Variants in NSG2 observed in about 807,000 individuals in gnomAD.
The protein encoded by NSG2 is neuronal vesicle trafficking-associated protein 2.
Under a neutral mutation model 16.9 loss-of-function variants are expected in NSG2, and 4 were observed. That is an observed-to-expected ratio of 0.24 (90% CI 0.12 to 0.54). The LOEUF (loss-of-function observed/expected upper bound fraction) is 0.54. Among genes scored for constraint, NSG2 ranks in the 20% least tolerant of loss-of-function variants. NSG2 has a pLI of 0.95. For synonymous variants in NSG2, 98 were observed against 88.7 expected (o/e 1.11, Z -0.59); for missense variants, 179 against 221.1 (o/e 0.81, Z 1.21).
Position 174,077,516 on chromosome 5 carries a change from T to C in NSG2, c.213+13201T>C, listed in dbSNP as rs138920927. The stretch of plus-strand genomic sequence containing the variant: ...TCTCGACACACTGGACCCGATTTCA[T>C]CTCTACTCCTCCGCTTAGCTGTTCT... On this transcript the variant is annotated intron_variant, in intron 3 of 4. Coordinates refer to ENST00000303177, the MANE Select transcript of NSG2 (RefSeq NM_015980.5). 1.7e-3 allele frequency among the ~76,000 whole-genome samples: 262 copies of C among 152,266 alleles called. 1 individual carries two copies. The highest frequency in any genetic ancestry group is 6.0e-3 in the African/African-American group (248 of 41,558).
intron 2 of NSG2, among the ~76,000 whole-genome samples, chr5:174,059,311 T>C (rs1281282265): frequency 1.3e-5 from 2 of 152,202 alleles, no homozygotes; most frequent in African/African-American, 4.8e-5. Context: ...ATTTTCTGAG[T>C]AAACCACAAT....
At chr5:174,055,563 G>A (rs1033876735) in intron 2 of NSG2, among the ~76,000 whole-genome samples, 35 of 152,148 alleles carry the variant, frequency 2.3e-4, no homozygotes, top group Non-Finnish European at 1.8e-4. Context: ...TCACGCCACC[G>A]CACTCCAGCC....
At chr5:174,051,102 G>T (rs1046999994) in intron 2 of NSG2, among the ~76,000 whole-genome samples, 1 of 152,118 alleles carries the variant, frequency 6.6e-6, no homozygotes, top group Non-Finnish European at 1.5e-5. Flanking sequence ...CCATGGGGGC[G>T]ATTCTCTCTC....
At chr5:174,051,904 G>A (rs1291596178) in intron 2 of NSG2, among the ~76,000 whole-genome samples, 2 of 152,212 alleles carry the variant, frequency 1.3e-5, no homozygotes, top group African/African-American at 4.8e-5. Context: ...CGATCAGGGG[G>A]CCACATTGGC....
At chr5:174,078,277 CACACACACACACACACAG>C (rs1432786339) in intron 3 of NSG2, among the ~76,000 whole-genome samples, 3 of 147,884 alleles carry the variant, frequency 2.0e-5, no homozygotes, top group African/African-American at 7.4e-5. Context: ...GCACACACAC[CACACACACACACACACAG>C]ACACACACAC....
intron 2 of NSG2, among the ~76,000 whole-genome samples, chr5:174,052,648 G>A (rs192810157): frequency 6.6e-6 from 1 of 152,168 alleles, no homozygotes; most frequent in South Asian, 2.1e-4. Flanking sequence ...GCTGCCTTTG[G>A]TTCATCTAAG....
chr5:174,090,105 G>T (rs1198536829), intron 3 of NSG2, among the ~76,000 whole-genome samples: 1 of 152,210 alleles, frequency 6.6e-6, no homozygotes, highest in African/African-American at 2.4e-5. Flanking sequence ...AGGGGCAGCT[G>T]TGTTGACGGT....
intron 3 of NSG2, among the ~76,000 whole-genome samples, chr5:174,098,576 T>C (rs1026837572): frequency 6.6e-6 from 1 of 152,130 alleles, no homozygotes; most frequent in African/African-American, 2.4e-5. Context: ...CCCAGTCCCC[T>C]CTCGCTTCCA....
At position 174,107,405 on chromosome 5, in the gene NSG2, A is replaced by G; in HGVS notation, c.416A>G (p.Tyr139Cys). 1.2e-6 allele frequency: 2 copies of G among 1,612,446 alleles called. No individual in the cohort carries two copies. Among genetic ancestry groups the G allele is most frequent in the Non-Finnish European group, 1.7e-6 (2 of 1,178,736 alleles). ...RSRFYTVISH[Y>C]SVAKQSTARA... ...CGCTTCTACACAGTCATCAGCCACTACAGCGTGGCCAAGCAGAGCACTGCC... is the reference window on the plus strand; with the variant it reads ...CGCTTCTACACAGTCATCAGCCACTGCAGCGTGGCCAAGCAGAGCACTGCC... Residue 139 changes from tyrosine (Y) to cysteine (C), a missense_variant, in exon 5 of 5, where the codon TAC becomes TGC. Transcript: ENST00000303177. This position sits in a 1 kb window ranked among gnomAD's most constrained non-coding sequence, Gnocchi z 4.5.
chr5:174,086,896 G>A (rs982441514), intron 3 of NSG2, among the ~76,000 whole-genome samples: 7 of 152,126 alleles, frequency 4.6e-5, no homozygotes, highest in African/African-American at 1.7e-4. Context: ...CATTAATTTG[G>A]GAAATGAATT....
At chr5:174,087,487 G>A (rs1337886464) in intron 3 of NSG2, among the ~76,000 whole-genome samples, 2 of 152,070 alleles carry the variant, frequency 1.3e-5, no homozygotes, top group African/African-American at 4.8e-5. Context: ...AAAATTATTA[G>A]CAAGAAATGA....
chr5:174,098,515 T>C (rs1218203554), intron 3 of NSG2, among the ~76,000 whole-genome samples: 1 of 152,102 alleles, frequency 6.6e-6, no homozygotes, highest in Non-Finnish European at 1.5e-5. Context: ...CCTTGTAGGA[T>C]CTCTGGGCGT....
Position 174,061,921 on chromosome 5 carries a change from T to TC in NSG2, c.130-2311_130-2310insC, listed in dbSNP as rs1327800133. Among the ~76,000 whole-genome samples, 44 of 150,842 alleles carry TC rather than the reference T, an allele frequency of 2.9e-4. 1 individual carries two copies. Among genetic ancestry groups the TC allele is most frequent in the African/African-American group, 1.0e-3 (43 of 41,072 alleles). ...CCGAGCCCCCAAACTTTTTTTTTTT[T>TC]TTTTTTTTTTAGGCAGGGAAGTTGG... On this transcript the variant is annotated intron_variant, in intron 2 of 4. Coordinates refer to ENST00000303177, the MANE Select transcript of NSG2 (RefSeq NM_015980.5).
chr5:174,049,401 T>C (rs890177280), intron 2 of NSG2, among the ~76,000 whole-genome samples: 15 of 151,998 alleles, frequency 9.9e-5, no homozygotes, highest in African/African-American at 3.6e-4. Context: ...GTCACCATTT[T>C]TCAAGTGCTT....
chr5:174,095,824 T>C (rs527914015), intron 3 of NSG2, among the ~76,000 whole-genome samples: 1 of 152,250 alleles, frequency 6.6e-6, no homozygotes, highest in Non-Finnish European at 1.5e-5. Context: ...GTAGACTTTA[T>C]GCAAGCAGGG....
At chr5:174,066,471 T>C (rs1760141069) in intron 3 of NSG2, among the ~76,000 whole-genome samples, 1 of 152,212 alleles carries the variant, frequency 6.6e-6, no homozygotes. Flanking sequence ...TCAACAACTT[T>C]CTTGTGATTT....
chr5:174,078,083 A>G (rs937647609), intron 3 of NSG2, among the ~76,000 whole-genome samples: 1 of 152,216 alleles, frequency 6.6e-6, no homozygotes, highest in Non-Finnish European at 1.5e-5. Flanking sequence ...TTTAATTTCT[A>G]TCACACTAGC....
chr5:174,050,697 C>A (rs1759874668), intron 2 of NSG2, among the ~76,000 whole-genome samples: 1 of 152,174 alleles, frequency 6.6e-6, no homozygotes, highest in African/African-American at 2.4e-5. Flanking sequence ...GAGCCCTCCC[C>A]CTGGCAGGCT....
At chr5:174,077,601 A>G (rs1478387472) in intron 3 of NSG2, among the ~76,000 whole-genome samples, 1 of 152,074 alleles carries the variant, frequency 6.6e-6, no homozygotes, top group African/African-American at 2.4e-5. Context: ...ATCTCATAAA[A>G]CTGGCTGGGA....
Sources: allele counts gnomAD v4.1 joint callset (sites outside exome capture counted in the v4.1 genomes callset), GRCh38; gene constraint gnomAD v4.1.1; non-coding constraint Gnocchi (gnomAD v3.1); transcripts MANE v1.5; gene names NCBI Gene and HGNC (gene_info 2026-07-23, HGNC 2026-07-21).